The following AGBL4 variants were observed in gnomAD, a reference collection of about 807,000 sequenced individuals.
AGBL4 encodes cytosolic carboxypeptidase 6.
Under a neutral mutation model 66.4 loss-of-function variants are expected in AGBL4, and 58 were observed. That is an observed-to-expected ratio of 0.87 (90% CI 0.71 to 1.09). AGBL4 has a LOEUF of 1.09. Ranked by LOEUF, AGBL4 falls within the 50% of genes least tolerant of loss-of-function variation. AGBL4 has a pLI of 0.00. For missense variants in AGBL4, 579 were observed against 631.0 expected, an observed-to-expected ratio of 0.92 and a Z score of 0.88; for synonymous variants, 234 against 222.9, an observed-to-expected ratio of 1.05 and a Z score of -0.44.
At chr1:48,754,469 A>G (rs1652221833) in intron 6 of AGBL4, among the ~76,000 whole-genome samples, 1 of 152,206 alleles carries the variant, frequency 6.6e-6, no homozygotes, top group Non-Finnish European at 1.5e-5. Context: ...ATAAATAATG[A>G]ATGAAGGAAT....
chr1:49,331,256 G>A (rs997050880), intron 3 of AGBL4, among the ~76,000 whole-genome samples: 1 of 152,060 alleles, frequency 6.6e-6, no homozygotes. Context: ...TCTAGGAAGG[G>A]AGCTGAATCC....
chr1:49,277,436 G>C (rs1453392102), intron 3 of AGBL4, among the ~76,000 whole-genome samples: 1 of 152,036 alleles, frequency 6.6e-6, no homozygotes, highest in Non-Finnish European at 1.5e-5. Flanking sequence ...GTTAAATGAA[G>C]AATTTGGACA....
chr1:49,411,920 A>G (rs1187373085), intron 3 of AGBL4, among the ~76,000 whole-genome samples: 1 of 152,192 alleles, frequency 6.6e-6, no homozygotes, highest in Non-Finnish European at 1.5e-5. Context: ...TTTAAGAAAT[A>G]TCAGAAATCC....
At chr1:48,592,257 C>T (rs1187770859) in intron 9 of AGBL4, among the ~76,000 whole-genome samples, 2 of 152,174 alleles carry the variant, frequency 1.3e-5, no homozygotes, top group Non-Finnish European at 2.9e-5. Context: ...AATCTAGCCA[C>T]CTCTCCATCC....
At chr1:49,473,104 G>A (rs1180256777) in intron 3 of AGBL4, among the ~76,000 whole-genome samples, 1 of 152,060 alleles carries the variant, frequency 6.6e-6, no homozygotes, top group Non-Finnish European at 1.5e-5. Context: ...GAATAGTGCT[G>A]AGATAATCAT....
At chr1:49,427,784 T>C (rs1036547848) in intron 3 of AGBL4, among the ~76,000 whole-genome samples, 1 of 152,244 alleles carries the variant, frequency 6.6e-6, no homozygotes, top group Non-Finnish European at 1.5e-5. Flanking sequence ...TTGCTGCTGC[T>C]GGCTGGGTGG....
chr1:49,743,554 T>C (rs1471278066), intron 2 of AGBL4, among the ~76,000 whole-genome samples: 7 of 152,246 alleles, frequency 4.6e-5, no homozygotes, highest in African/African-American at 1.7e-4. Context: ...CATTACTGGG[T>C]ATATACCCAA....
At chr1:49,745,821 C>T (rs910444758) in intron 2 of AGBL4, among the ~76,000 whole-genome samples, 9 of 150,898 alleles carry the variant, frequency 6.0e-5, no homozygotes, top group African/African-American at 2.2e-4. Flanking sequence ...TAATAATTGA[C>T]AGAAGCAAAA....
chr1:49,424,480 T>A (rs964185654), intron 3 of AGBL4, among the ~76,000 whole-genome samples: 1 of 152,132 alleles, frequency 6.6e-6, no homozygotes, highest in African/African-American at 2.4e-5. Context: ...GAAAATGTAA[T>A]TGTGAGAAAT....
chr1:49,635,423 T>C (rs988984334), intron 3 of AGBL4, among the ~76,000 whole-genome samples: 2 of 152,062 alleles, frequency 1.3e-5, no homozygotes, highest in Non-Finnish European at 2.9e-5. Flanking sequence ...TAAGGAAATA[T>C]ATATGTCAAA....
intron 9 of AGBL4, among the ~76,000 whole-genome samples, chr1:48,630,125 G>A (rs1645570465): frequency 6.6e-6 from 1 of 152,192 alleles, no homozygotes; most frequent in African/African-American, 2.4e-5. Flanking sequence ...TGAGAGTGGA[G>A]AATGAAACAC....
chr1:49,314,455 C>T (rs1301199150), intron 3 of AGBL4, among the ~76,000 whole-genome samples: 1 of 152,030 alleles, frequency 6.6e-6, no homozygotes, highest in Non-Finnish European at 1.5e-5. Flanking sequence ...TTGTTAAACT[C>T]CCACTCATGA....
chr1:49,145,319 TC>T (rs1344875313), intron 4 of AGBL4, among the ~76,000 whole-genome samples: 5 of 152,208 alleles, frequency 3.3e-5, no homozygotes, highest in African/African-American at 1.2e-4. Flanking sequence ...TGGTTTTGTA[TC>T]CCACCTCTAT....
chr1:50,006,043 T>TA (rs1661101122), intron 1 of AGBL4, among the ~76,000 whole-genome samples: 2 of 152,148 alleles, frequency 1.3e-5, no homozygotes, highest in African/African-American at 4.8e-5. Flanking sequence ...TTATTAGCCT[T>TA]AAAAAAGAGG....
intron 2 of AGBL4, among the ~76,000 whole-genome samples, chr1:49,825,108 C>T (rs753406323): frequency 2.6e-5 from 4 of 152,196 alleles, no homozygotes; most frequent in African/African-American, 4.8e-5. Flanking sequence ...TAGTGAGCAA[C>T]TCAATATATT....
At chr1:50,001,444 T>TGTATATGTGTGTGTGTCC (rs1553158992) in intron 1 of AGBL4, among the ~76,000 whole-genome samples, 1 of 150,044 alleles carries the variant, frequency 6.7e-6, no homozygotes, top group African/African-American at 2.4e-5. Flanking sequence ...TGTGTGTGTC[T>TGTATATGTGTGTGTGTCC]GTATATGTGT....
chr1:49,700,136 T>G (rs556376371), intron 2 of AGBL4, among the ~76,000 whole-genome samples: 46 of 151,492 alleles, frequency 3.0e-4, no homozygotes, highest in African/African-American at 1.1e-3. Flanking sequence ...GAAAATAAAA[T>G]GACAAAAAGT....
At chr1:49,306,872 A>G (rs970051938) in intron 3 of AGBL4, among the ~76,000 whole-genome samples, 1 of 152,176 alleles carries the variant, frequency 6.6e-6, no homozygotes, top group African/African-American at 2.4e-5. Flanking sequence ...ATGAATCACT[A>G]TGGCAATTTT....
intron 2 of AGBL4, among the ~76,000 whole-genome samples, chr1:49,836,484 T>G (rs1243403884): frequency 2.0e-5 from 3 of 152,200 alleles, no homozygotes; most frequent in African/African-American, 2.4e-5. Flanking sequence ...TCTGTCCTTT[T>G]TGCAAGAGTC....
Sources: gnomAD v4.1 joint callset for allele counts (sites outside exome capture counted in the v4.1 genomes callset) on GRCh38, gnomAD v4.1.1 for gene constraint, MANE v1.5 for transcripts, NCBI Gene and HGNC (gene_info 2026-07-23, HGNC 2026-07-21) for gene names.